Variants in NCAPH2 observed in about 807,000 individuals in gnomAD.
The protein encoded by NCAPH2 is condensin-2 complex subunit H2.
Under a neutral mutation model 88.6 loss-of-function variants are expected in NCAPH2, and 56 were observed. The ratio of observed to expected loss-of-function variants is 0.63; its 90% CI spans 0.51 to 0.79. The LOEUF (loss-of-function observed/expected upper bound fraction) is 0.79, where lower values mean the gene tolerates loss of function less well. Ranked by LOEUF, NCAPH2 falls within the 30% of genes least tolerant of loss-of-function variation. The pLI is 0.00. For synonymous variants in NCAPH2, 378 were observed against 313.6 expected, an observed-to-expected ratio of 1.21 and a Z score of -2.17; for missense variants, 794 against 792.0, an observed-to-expected ratio of 1.00 and a Z score of -0.03.
chr22:50,520,955 G>A lies in NCAPH2; in HGVS notation c.862-10G>A. The A allele has an allele frequency of 6.4e-7, 1 of 1,550,836 alleles. No individual in the cohort carries two copies. Among genetic ancestry groups the A allele is most frequent in the Non-Finnish European group, 8.7e-7 (1 of 1,146,884 alleles). On this transcript the variant is annotated splice_polypyrimidine_tract_variant and intron_variant, in intron 9 of 19. Transcript: ENST00000420993. ...GAGGAGAAGTGGGGACCCTGTGACT[G>A]TCTTTGCAGAGTGCTGCCCTGCCCA...
Position 50,508,299 on chromosome 22 carries a change from C to G in NCAPH2, c.-39C>G. Reference sequence around the variant, plus strand: ...TGAGGACGCCGTACCCCTCGGAAGGCAGCCCTGCGGTCCCTTTGCCGCCCG... The same window carrying G: ...TGAGGACGCCGTACCCCTCGGAAGGGAGCCCTGCGGTCCCTTTGCCGCCCG... On this transcript the variant is annotated 5_prime_UTR_variant, in exon 1 of 20. Coordinates refer to ENST00000420993, the MANE Select transcript of NCAPH2 (RefSeq NM_152299.4). 7.0e-7 allele frequency: 1 copy of G among 1,423,984 alleles called. No homozygotes were observed. Among genetic ancestry groups the G allele is most frequent in the Non-Finnish European group, 9.3e-7 (1 of 1,077,690 alleles). The allele number at this position is 1,423,984 out of a possible 1,614,324, so 88.2% of individuals were successfully genotyped here. A position where few individuals can be genotyped will look rare whatever the true frequency, so the allele number is the denominator to read the frequency against.
chr22:50,514,686 G>A (rs180802398), intron 1 of NCAPH2, among the ~76,000 whole-genome samples: 1 of 152,304 alleles, frequency 6.6e-6, no homozygotes, highest in East Asian at 1.9e-4. Context: ...TTCTGGACCA[G>A]CTCTTCAGGT....
chr22:50,509,466 A>G (rs1335935830), intron 1 of NCAPH2, among the ~76,000 whole-genome samples: 1 of 152,236 alleles, frequency 6.6e-6, no homozygotes, highest in East Asian at 1.9e-4. Context: ...ATGTGGCTAT[A>G]GTGAAGCCCC....
intron 10 of NCAPH2, 24 bp from the exon 11 acceptor site, chr22:50,521,519 C>T (rs370349550): frequency 7.4e-6 from 12 of 1,612,472 alleles, no homozygotes; most frequent in African/African-American, 4.0e-5. Flanking sequence ...ACTTCTCCAG[C>T]GCCTTCTTGT....
chr22:50,513,443 C>G (rs112663978), intron 1 of NCAPH2, among the ~76,000 whole-genome samples: 3,087 of 151,866 alleles, frequency 0.02, 108 homozygotes, highest in African/African-American at 0.067. Flanking sequence ...CTTAGGGAGG[C>G]CGAGGTGGCT....
Position 50,519,191 on chromosome 22 carries a change from C to T in NCAPH2, c.732C>T (p.Gly244=). The T allele has an allele frequency of 6.2e-7, 1 of 1,607,372 alleles. No individual in the cohort carries two copies. Among genetic ancestry groups the T allele is most frequent in the South Asian group, 1.1e-5 (1 of 89,860 alleles). The change falls in exon 9 of 20, where the codon GGC becomes GGT. Residue 244 remains glycine, a splice_region_variant and synonymous_variant. Coordinates refer to ENST00000420993, the MANE Select transcript of NCAPH2 (RefSeq NM_152299.4). Reference sequence around the variant, plus strand: ...ATCACTCTCTTGCTCCCTGCCTAGGCCCCTCTCCAGAAGGCCCGATGCCCC... The same window carrying T: ...ATCACTCTCTTGCTCCCTGCCTAGGTCCCTCTCCAGAAGGCCCGATGCCCC... The part of the protein sequence containing the change: ...VPALGFSQEP[G]PSPEGPMPLG...
Position 50,523,080 on chromosome 22 carries a change from C to A in NCAPH2, c.1591C>A (p.Leu531Ile). 1 of 1,610,990 alleles carries A rather than the reference C, an allele frequency of 6.2e-7. No homozygotes were observed. ...CCAGCTGGTCTCACGGTTCCCCCAG[C>A]TCAATGAGTGGTGTCCCTTTGCGGA... ...GDQLVSRFPQ[L>I]NEWCPFAELV... The change falls in exon 19 of 20, where the codon CTC (leucine) becomes ATC (isoleucine). Residue 531 changes from leucine to isoleucine, a missense_variant. This residue lies in a region of NCAPH2 where 735 missense variants were observed against 696.3 expected (regional missense o/e 1.06). Transcript: ENST00000420993.
intron 9 of NCAPH2, chr22:50,519,678 C>A: frequency 8.9e-7 from 1 of 1,119,624 alleles, no homozygotes; most frequent in Non-Finnish European, 1.1e-6. Context: ...CCTCCCTCAA[C>A]CCCCGGGGTC....
In NCAPH2 at chr22:50,518,100, G is replaced by A. The variant is rs376890472; in HGVS notation, c.501-33G>A. The A allele has an allele frequency of 1.5e-5, 25 of 1,613,660 alleles. No homozygotes were observed. The African/African-American group carries it at 1.7e-4, about 11-fold the overall frequency. The stretch of plus-strand genomic sequence containing the variant: ...GGGGAGGGAGGCCTGCCTGGGAAGG[G>A]TCTCTACAGCAGGCGTGTTTTTGCC... On this transcript the variant is annotated intron_variant, in intron 6 of 19. Coordinates refer to ENST00000420993, the MANE Select transcript of NCAPH2 (RefSeq NM_152299.4).
Position 50,519,204 on chromosome 22 carries a change from G to A in NCAPH2, c.745G>A (p.Gly249Ser), listed in dbSNP as rs1136708. 6.2e-7 allele frequency: 1 copy of A among 1,609,896 alleles called. No individual in the cohort carries two copies. The highest frequency in any genetic ancestry group is 1.7e-5 in the Admixed American group (1 of 59,488). The change falls in exon 9 of 20, where the codon GGC (glycine) becomes AGC (serine). Residue 249 changes from glycine to serine, a missense_variant. This residue lies in a region of NCAPH2 where 735 missense variants were observed against 696.3 expected (regional missense o/e 1.06). Coordinates refer to ENST00000420993, the MANE Select transcript of NCAPH2 (RefSeq NM_152299.4). ...TCCCTGCCTAGGCCCCTCTCCAGAA[G>A]GCCCGATGCCCCTGGGTGGGGGCGA... ...FSQEPGPSPE[G>S]PMPLGGGEDE...
rs949439055 is a variant in NCAPH2, at chr22:50,517,564, G to A, written c.267-13G>A. 45 of 1,613,968 alleles carry A rather than the reference G, an allele frequency of 2.8e-5. No individual in the cohort carries two copies. The highest frequency in any genetic ancestry group is 3.8e-5 in the Non-Finnish European group (45 of 1,180,024). ...AGCTCCTGGGATGCCCACGGGATGT[G>A]CTTCTCTCTCAGGCGGGCCAAGCAG... is the stretch of plus-strand genomic sequence containing the variant. On this transcript the variant is annotated splice_polypyrimidine_tract_variant and intron_variant, in intron 3 of 19. Coordinates refer to ENST00000420993, the MANE Select transcript of NCAPH2 (RefSeq NM_152299.4).
chr22:50,510,664 T>A (rs2068757892), intron 1 of NCAPH2, among the ~76,000 whole-genome samples: 1 of 152,042 alleles, frequency 6.6e-6, no homozygotes, highest in African/African-American at 2.4e-5. Context: ...TGACCTCAGG[T>A]GATCCAGCCA....
rs778071708 is a variant in NCAPH2, at chr22:50,518,208, C to T, written c.576C>T (p.Phe192=). 1.9e-6 allele frequency: 3 copies of T among 1,614,028 alleles called. No homozygotes were observed. The highest frequency in any genetic ancestry group is 1.7e-5 in the Admixed American group (1 of 60,028). ...GCGTTCCCCACCCCAGAGGGGCCTT[C>T]ATGTTGGAGCCAGAGGGCATGTCCC... The part of the protein sequence containing the change: ...NTCVPHPRGA[F]MLEPEGMSPM... Residue 192 remains phenylalanine (F), a synonymous_variant, in exon 7 of 20, where the codon TTC becomes TTT. Coordinates refer to ENST00000420993, the MANE Select transcript of NCAPH2 (RefSeq NM_152299.4).
rs767460003 is a variant in NCAPH2 at position 50,521,598 on chromosome 22, C to T, written c.989C>T (p.Pro330Leu). Residue 330 changes from proline to leucine, a missense_variant, in exon 11 of 20, where the codon CCC becomes CTC. Transcript: ENST00000420993. ...CCCTTTGACTCCTTGGAGTCTAAGC[C>T]CTTCAAGAAAGGTAATTGGGTGGAA... ...LDPFDSLESK[P>L]FKKGRPYSVP... 15 of 1,613,656 alleles carry T rather than the reference C, an allele frequency of 9.3e-6. No individual in the cohort carries two copies. The highest frequency in any genetic ancestry group is 1.2e-5 in the Non-Finnish European group (14 of 1,179,992).
chr22:50,524,770 T>C lies in NCAPH2; in HGVS notation c.*1395T>C. On this transcript the variant is annotated 3_prime_UTR_variant, in exon 20 of 20. Coordinates refer to ENST00000420993, the MANE Select transcript of NCAPH2 (RefSeq NM_152299.4). ...GTTATCTATTTGCAATAAACCCATT[T>C]CTTAAAAGGAGGTGGGTAACTCTCT... 2.3e-6 allele frequency: 1 copy of C among 441,982 alleles called. No individual in the cohort carries two copies. Among genetic ancestry groups the C allele is most frequent in the Non-Finnish European group, 4.5e-6 (1 of 219,914 alleles). The allele number at this position is 441,982 out of a possible 1,614,324, so 27.4% of individuals were successfully genotyped here. A position where few individuals can be genotyped will look rare whatever the true frequency, so the allele number is the denominator to read the frequency against.
At chr22:50,514,538 A>G (rs2068865395) in intron 1 of NCAPH2, among the ~76,000 whole-genome samples, 1 of 152,220 alleles carries the variant, frequency 6.6e-6, no homozygotes, top group African/African-American at 2.4e-5. Context: ...GGCAGGTCCA[A>G]CCTGGGGAGG....
chr22:50,519,488 T>G (rs1255142208), intron 9 of NCAPH2, 168 bp downstream of exon 9: 10 of 1,436,662 alleles, frequency 7.0e-6, no homozygotes, highest in African/African-American at 2.9e-5. Context: ...CCAGCCCTTT[T>G]GAAGAGCAGC....
chr22:50,518,420 C>G (rs2068990315), intron 7 of NCAPH2, 142 bp downstream of exon 7: 20 of 1,286,268 alleles, frequency 1.6e-5, no homozygotes, highest in Non-Finnish European at 2.0e-5. Flanking sequence ...GACAGGTTGG[C>G]TGGTGCTCAT....
At position 50,508,267 on chromosome 22, in the gene NCAPH2, G is replaced by A. The variant is rs2068679536; in HGVS notation, c.-71G>A. ...ACAGCAAAATGGCGCCAGAACTAGT[G>A]GCGGGCTGAGGACGCCGTACCCCTC... On this transcript the variant is annotated 5_prime_UTR_variant, in exon 1 of 20. Coordinates refer to ENST00000420993, the MANE Select transcript of NCAPH2 (RefSeq NM_152299.4). 1.7e-6 allele frequency: 2 copies of A among 1,162,328 alleles called. No individual in the cohort carries two copies. The highest frequency in any genetic ancestry group is 2.3e-6 in the Non-Finnish European group (2 of 856,462). 72.0% of individuals were successfully genotyped at this position (1,162,328 alleles called of 1,614,324 possible). A position where few individuals can be genotyped will look rare whatever the true frequency, so the allele number is the denominator to read the frequency against.
Sources: gnomAD v4.1 joint callset for allele counts (sites outside exome capture counted in the v4.1 genomes callset) on GRCh38, gnomAD v4.1.1 for gene constraint, gnomAD v4.1.1 regional missense constraint, MANE v1.5 for transcripts, NCBI Gene and HGNC (gene_info 2026-07-23, HGNC 2026-07-21) for gene names.